HSPA12A: variants seen among roughly 807,000 people sequenced by gnomAD.
The protein encoded by HSPA12A is heat shock protein family A (Hsp70) member 12A.
In HSPA12A, 28 loss-of-function variants were observed where a neutral mutation model predicts 69.2. That is an observed-to-expected ratio of 0.40 (90% CI 0.30 to 0.55). HSPA12A has a LOEUF of 0.55. HSPA12A is among the 20% of genes least tolerant of loss of function. HSPA12A has a pLI of 0.38. For missense variants in HSPA12A, 686 were observed against 900.7 expected (o/e 0.76, Z 3.05); for synonymous variants, 345 against 370.5 (o/e 0.93, Z 0.79).
intron 1 of HSPA12A, among the ~76,000 whole-genome samples, chr10:116,726,023 A>ACGCGCG (rs1180707838): frequency 1.8e-4 from 12 of 67,044 alleles, no homozygotes; most frequent in Admixed American, 4.7e-4. Flanking sequence ...ACACACACAC[A>ACGCGCG]CACGCACACA....
rs368883721 is a variant in HSPA12A, at chr10:116,705,234, C to T, written c.171G>A (p.Val57=). Residue 57 remains valine, a synonymous_variant, in exon 3 of 12, where the codon GTG becomes GTA. Coordinates refer to ENST00000369209, the MANE Select transcript of HSPA12A (RefSeq NM_025015.3). The part of the protein sequence containing the change: ...SNVSEQQSFL[V]VVAVDFGTTS... Reference sequence around the variant, plus strand: ...TGGTCCCAAAGTCGACGGCCACCACCACGAGAAATGACTGCTGTTCTGAGA... The same window carrying T: ...TGGTCCCAAAGTCGACGGCCACCACTACGAGAAATGACTGCTGTTCTGAGA... 333 of 1,614,046 alleles carry T rather than the reference C, an allele frequency of 2.1e-4. No homozygotes were observed. Among genetic ancestry groups the T allele is most frequent in the Non-Finnish European group, 2.6e-4 (312 of 1,180,026 alleles).
intron 2 of HSPA12A, among the ~76,000 whole-genome samples, chr10:116,753,796 G>A (rs188181284): frequency 6.6e-5 from 10 of 152,270 alleles, no homozygotes; most frequent in East Asian, 1.9e-4. Context: ...GAGGTGGTGC[G>A]TGTGGAGTGC....
chr10:116,741,675 G>C (rs782004239), intron 1 of HSPA12A, among the ~76,000 whole-genome samples: 1 of 151,876 alleles, frequency 6.6e-6, no homozygotes, highest in African/African-American at 2.4e-5. Context: ...CGTCCTCTCC[G>C]GCTCCCCCAC....
intron 1 of HSPA12A, among the ~76,000 whole-genome samples, chr10:116,712,790 A>G (rs1244428183): frequency 1.3e-5 from 2 of 151,842 alleles, no homozygotes; most frequent in African/African-American, 2.4e-5. Context: ...AGACAGAACC[A>G]TAGGGCTGAC....
chr10:116,834,979 T>C, exon 2 of HSPA12A: 2 of 1,231,740 alleles, frequency 1.6e-6, no homozygotes, highest in Non-Finnish European at 2.0e-6. Flanking sequence ...CATTTTGTTC[T>C]TTGCTTTACA....
At chr10:116,779,474 G>A (rs1447946126) in intron 2 of HSPA12A, among the ~76,000 whole-genome samples, 4 of 152,168 alleles carry the variant, frequency 2.6e-5, no homozygotes, top group African/African-American at 7.2e-5. Context: ...CTGGACTCGG[G>A]TGTGGCCACG....
chr10:116,834,235 A>G (rs1246051509), intron 2 of HSPA12A, among the ~76,000 whole-genome samples: 3 of 152,178 alleles, frequency 2.0e-5, no homozygotes, highest in Non-Finnish European at 4.4e-5. Flanking sequence ...CAGCCACAAG[A>G]GCCCTAATTA....
chr10:116,753,106 A>G (rs1843747104), intron 2 of HSPA12A, among the ~76,000 whole-genome samples: 1 of 152,234 alleles, frequency 6.6e-6, no homozygotes, highest in South Asian at 2.1e-4. Context: ...TGTGGGAAGT[A>G]CAATCTGGTG....
chr10:116,677,069 G>A (rs781840639), intron 10 of HSPA12A, among the ~76,000 whole-genome samples: 2 of 152,154 alleles, frequency 1.3e-5, no homozygotes, highest in African/African-American at 2.4e-5. Context: ...CCACCACTGC[G>A]GAGCTCTGGG....
chr10:116,703,074 C>T (rs555096768), intron 3 of HSPA12A, among the ~76,000 whole-genome samples: 391 of 152,272 alleles, frequency 2.6e-3, no homozygotes, highest in Non-Finnish European at 4.7e-3. Context: ...GATTTTTCAT[C>T]TTGGGGGTCA....
At chr10:116,705,880 C>G (rs1850229434) in intron 2 of HSPA12A, among the ~76,000 whole-genome samples, 1 of 148,864 alleles carries the variant, frequency 6.7e-6, no homozygotes, top group South Asian at 2.1e-4. Context: ...GTTTCCAAGC[C>G]TTTCTCTCTC....
At chr10:116,799,975 T>C (rs1187714140) in intron 2 of HSPA12A, among the ~76,000 whole-genome samples, 1 of 152,186 alleles carries the variant, frequency 6.6e-6, no homozygotes, top group Non-Finnish European at 1.5e-5. Flanking sequence ...GTGAAGGATT[T>C]TCGTCGCCAT....
intron 2 of HSPA12A, among the ~76,000 whole-genome samples, chr10:116,777,531 C>G: frequency 6.6e-6 from 1 of 152,188 alleles, no homozygotes; most frequent in East Asian, 1.9e-4. Flanking sequence ...CCAGACCAGA[C>G]AGGGACATGT....
At chr10:116,835,082 T>G in intron 1 of HSPA12A, 1 of 1,072,256 alleles carries the variant, frequency 9.3e-7, no homozygotes, top group Middle Eastern at 3.6e-4. Flanking sequence ...CATGTTGCTC[T>G]TAAGTCGCGT....
chr10:116,766,019 AC>A lies in HSPA12A; in HGVS notation c.92-58735del. On this transcript the variant is annotated intron_variant, in intron 2 of 12. Transcript: ENST00000635765. ...GCACGGATGAGCCACCCTTCATGCA[AC>A]CAGGTCCTGTTTGACGGCACACACT... Among the ~76,000 whole-genome samples the A allele has an allele frequency of 2.0e-5, 3 of 152,230 alleles. No homozygotes were observed. In the South Asian group the frequency reaches 6.2e-4, roughly 32 times the overall value.
chr10:116,719,341 G>A (rs567513543), intron 1 of HSPA12A, among the ~76,000 whole-genome samples: 100 of 152,314 alleles, frequency 6.6e-4, no homozygotes, highest in African/African-American at 2.4e-3. Flanking sequence ...CCTGAGAAGA[G>A]GGTGGACGCA....
At chr10:116,792,291 A>G (rs1195121975) in intron 2 of HSPA12A, among the ~76,000 whole-genome samples, 1 of 149,618 alleles carries the variant, frequency 6.7e-6, no homozygotes, top group East Asian at 1.9e-4. Flanking sequence ...ATTATCCATC[A>G]AGGAACAAGA....
intron 1 of HSPA12A, among the ~76,000 whole-genome samples, chr10:116,713,745 G>A (rs903612131): frequency 6.6e-6 from 1 of 152,172 alleles, no homozygotes; most frequent in East Asian, 1.9e-4. Context: ...ACTGCTGGGA[G>A]AGGTGAAGAC....
chr10:116,761,842 G>A (rs937350077), intron 2 of HSPA12A, among the ~76,000 whole-genome samples: 3 of 152,110 alleles, frequency 2.0e-5, no homozygotes, highest in Admixed American at 2.0e-4. Flanking sequence ...GAGAGGTAGG[G>A]GAGGGAGAAG....
Sources: gnomAD v4.1 joint callset for allele counts (sites outside exome capture counted in the v4.1 genomes callset) on GRCh38, gnomAD v4.1.1 for gene constraint, MANE v1.5 for transcripts, NCBI Gene and HGNC (gene_info 2026-07-23, HGNC 2026-07-21) for gene names.